PLA1A: variants seen among roughly 807,000 people sequenced by gnomAD.
PLA1A encodes phospholipase A1 member A.
In PLA1A, 47 loss-of-function variants were observed where a neutral mutation model predicts 49.4. The observed-to-expected ratio is 0.95, with a 90% CI of 0.75 to 1.21. The LOEUF is 1.21. PLA1A is among the 50% of genes most tolerant of loss of function. The probability of loss-of-function intolerance (pLI) is 0.00; values close to 1 mark genes in which losing one functional copy is unlikely to be tolerated. For synonymous variants in PLA1A, 224 were observed against 207.9 expected, an observed-to-expected ratio of 1.08 and a Z score of -0.67; for missense variants, 561 against 563.9, an observed-to-expected ratio of 0.99 and a Z score of 0.05.
At chr3:119,617,439 A>G (rs554902442) in intron 6 of PLA1A, among the ~76,000 whole-genome samples, 5 of 152,210 alleles carry the variant, frequency 3.3e-5, no homozygotes, top group Admixed American at 1.3e-4. Flanking sequence ...GAGAGTTTGC[A>G]TGATCATATA....
intron 8 of PLA1A, chr3:119,620,003 C>T (rs1021914339): frequency 2.2e-6 from 1 of 464,056 alleles, no homozygotes; most frequent in Middle Eastern, 4.3e-4. Flanking sequence ...GTGGTTCTCA[C>T]CCTGGCAGCC....
At chr3:119,608,228 GAGAGAA>G (rs1560078782) in intron 2 of PLA1A, among the ~76,000 whole-genome samples, 11 of 106,578 alleles carry the variant, frequency 1.0e-4, no homozygotes, top group African/African-American at 3.7e-4. Flanking sequence ...GAAAGAAAGA[GAGAGAA>G]AGAAAGAGAG....
intron 2 of PLA1A, among the ~76,000 whole-genome samples, chr3:119,608,054 ATC>A (rs2082711923): frequency 6.6e-6 from 1 of 152,132 alleles, no homozygotes; most frequent in Admixed American, 6.5e-5. Flanking sequence ...CAGGGACTAT[ATC>A]TTATTTGTCT....
chr3:119,600,324 G>T, intron 1 of PLA1A: 1 of 699,450 alleles, frequency 1.4e-6, no homozygotes, highest in East Asian at 2.7e-5. Context: ...TGAGCTCCTT[G>T]ATCAACCTGG....
At chr3:119,618,681 G>A (rs2082887391) in intron 7 of PLA1A, among the ~76,000 whole-genome samples, 1 of 152,170 alleles carries the variant, frequency 6.6e-6, no homozygotes, top group South Asian at 2.1e-4. Context: ...CCAGTCTGGG[G>A]AAAGGATGCC....
At chr3:119,601,334 G>A (rs528456218) in intron 1 of PLA1A, among the ~76,000 whole-genome samples, 37 of 152,262 alleles carry the variant, frequency 2.4e-4, no homozygotes, top group Non-Finnish European at 4.6e-4. Context: ...CAGCCCAGGC[G>A]GGTGAAGGGA....
At chr3:119,611,046 AC>A (rs968712705) in intron 4 of PLA1A, among the ~76,000 whole-genome samples, 1 of 152,102 alleles carries the variant, frequency 6.6e-6, no homozygotes, top group African/African-American at 2.4e-5. Context: ...CAGTTTTCCC[AC>A]ACCATTTATC....
chr3:119,628,586 C>A, intron 9 of PLA1A, 115 bp from the exon 10 acceptor site: 2 of 845,564 alleles, frequency 2.4e-6, no homozygotes, highest in Non-Finnish European at 3.8e-6. Context: ...AGGAGCTAAC[C>A]CCTTGGTGCA....
intron 6 of PLA1A, among the ~76,000 whole-genome samples, chr3:119,617,133 A>G (rs1156353957): frequency 6.6e-6 from 1 of 152,226 alleles, no homozygotes; most frequent in African/African-American, 2.4e-5. Context: ...AATTTATCCA[A>G]TGTTGAATGC....
intron 2 of PLA1A, among the ~76,000 whole-genome samples, chr3:119,608,261 A>AAAG (rs1302286153): frequency 6.6e-6 from 1 of 150,874 alleles, no homozygotes; most frequent in African/African-American, 2.4e-5. Flanking sequence ...AGAAAGAAAG[A>AAAG]AAGAAAGAAA....
chr3:119,628,576 A>G, intron 9 of PLA1A, 125 bp from the exon 10 acceptor site: 1 of 735,040 alleles, frequency 1.4e-6, no homozygotes, highest in Non-Finnish European at 2.3e-6. Context: ...GACTGTGGTA[A>G]GGAGCTAACC....
At position 119,613,086 on chromosome 3, in the gene PLA1A, T is replaced by A. The variant is rs761385468; in HGVS notation, c.632T>A (p.Leu211His). The change falls in exon 5 of 11, where the codon CTC (leucine) becomes CAC (histidine). Residue 211 changes from leucine (L) to histidine (H), a missense_variant. Transcript: ENST00000273371. The stretch of plus-strand genomic sequence containing the variant: ...GAGCGCTTGGATGCTGGAGATGCCC[T>A]CTTCGTGGAAGCCATCCACACAGAC... Reference protein sequence around the residue: ...VEERLDAGDALFVEAIHTDTD... With the variant: ...VEERLDAGDAHFVEAIHTDTD... The A allele has an allele frequency of 6.2e-7, 1 of 1,609,006 alleles. No individual in the cohort carries two copies. The highest frequency in any genetic ancestry group is 1.7e-5 in the Admixed American group (1 of 59,518).
At chr3:119,621,553 G>A (rs2107796706) in intron 8 of PLA1A, among the ~76,000 whole-genome samples, 1 of 152,256 alleles carries the variant, frequency 6.6e-6, no homozygotes, top group Non-Finnish European at 1.5e-5. Context: ...ACCTGTGCCA[G>A]GCATGCGCCA....
chr3:119,629,433 A>T lies in PLA1A; in HGVS notation c.1336A>T (p.Thr446Ser). 1 of 1,611,106 alleles carries T rather than the reference A, an allele frequency of 6.2e-7. No individual in the cohort carries two copies. Among genetic ancestry groups the T allele is most frequent in the Non-Finnish European group, 8.5e-7 (1 of 1,177,834 alleles). The change falls in exon 11 of 11, where the codon ACT becomes TCT. Residue 446 changes from threonine to serine, a missense_variant. Physicochemically the swap from Thr to Ser is moderately conservative, Grantham distance 58 (BLOSUM62 1). Transcript: ENST00000273371. ...PEPVNLQASV[T>S]VSCDLKIACV ...ACCAGTGAACTTACAAGCAAGTGTG[A>T]CTGTTTCCTGTGACCTGAAGATAGC... is the stretch of plus-strand genomic sequence containing the variant.
At chr3:119,620,704 T>G (rs2082917307) in intron 8 of PLA1A, among the ~76,000 whole-genome samples, 1 of 152,200 alleles carries the variant, frequency 6.6e-6, no homozygotes. Flanking sequence ...ATCAGAGAAT[T>G]TGGGAGAAGA....
chr3:119,622,266 A>C (rs1447119047), intron 8 of PLA1A, among the ~76,000 whole-genome samples: 4 of 152,212 alleles, frequency 2.6e-5, no homozygotes, highest in African/African-American at 9.6e-5. Context: ...CAAAGGAAGA[A>C]GTATTAATAA....
At chr3:119,620,732 A>G (rs1247711530) in intron 8 of PLA1A, among the ~76,000 whole-genome samples, 1 of 152,212 alleles carries the variant, frequency 6.6e-6, no homozygotes, top group African/African-American at 2.4e-5. Context: ...GGGTGTTTGT[A>G]TCTTCATGCC....
intron 8 of PLA1A, 92 bp downstream of exon 8, chr3:119,619,744 A>G: frequency 1.1e-6 from 1 of 882,746 alleles, no homozygotes; most frequent in East Asian, 2.4e-5. Context: ...AGTGAATGAT[A>G]AGAGCAAAGG....
At chr3:119,619,733 G>T (rs746896148) in intron 8 of PLA1A, 81 bp downstream of exon 8, 5 of 971,840 alleles carry the variant, frequency 5.1e-6, no homozygotes, top group Non-Finnish European at 8.3e-6. Context: ...GCCTGGGTGG[G>T]AGTGAATGAT....
Sources: allele counts gnomAD v4.1 joint callset (sites outside exome capture counted in the v4.1 genomes callset), GRCh38; gene constraint gnomAD v4.1.1; transcripts MANE v1.5; gene names NCBI Gene and HGNC (gene_info 2026-07-23, HGNC 2026-07-21).